The following SEMA6D variants were observed in gnomAD, a reference collection of about 807,000 sequenced individuals.
The protein encoded by SEMA6D is semaphorin-6D.
In SEMA6D, 35 loss-of-function variants were observed where a neutral mutation model predicts 106.6. That is an observed-to-expected ratio of 0.33 (90% confidence interval 0.25 to 0.44). The LOEUF is 0.44. SEMA6D is among the 20% of genes least tolerant of loss of function. The pLI, the probability that SEMA6D is intolerant of heterozygous loss-of-function variation, is 1.00. For synonymous variants in SEMA6D, 499 were observed against 487.7 expected, an observed-to-expected ratio of 1.02 and a Z score of -0.31; for missense variants, 1,185 against 1,345.9, an observed-to-expected ratio of 0.88 and a Z score of 1.87.
chr15:47,671,500 T>C (rs997366475), intron 4 of SEMA6D, among the ~76,000 whole-genome samples: 2 of 152,112 alleles, frequency 1.3e-5, no homozygotes, highest in Admixed American at 6.6e-5. Context: ...GGAAAAGTGA[T>C]GATGACCACT....
intron 1 of SEMA6D, among the ~76,000 whole-genome samples, chr15:47,299,354 A>G (rs867735253): frequency 2.6e-5 from 4 of 152,188 alleles, no homozygotes; most frequent in African/African-American, 4.8e-5. Flanking sequence ...TTATAAGCCA[A>G]ATTTGCCTCA....
At chr15:47,382,788 G>A (rs951017870) in intron 1 of SEMA6D, among the ~76,000 whole-genome samples, 21 of 152,180 alleles carry the variant, frequency 1.4e-4, no homozygotes, top group African/African-American at 5.1e-4. Context: ...GAAGACAAGT[G>A]ACGGAGTCTT....
chr15:47,484,396 T>C (rs2043235581), intron 3 of SEMA6D, among the ~76,000 whole-genome samples: 1 of 152,094 alleles, frequency 6.6e-6, no homozygotes, highest in Admixed American at 6.6e-5. Context: ...TTATTAAAAT[T>C]CCTGTGCCAG....
intron 3 of SEMA6D, among the ~76,000 whole-genome samples, chr15:47,596,613 C>A (rs57832636): frequency 1.3e-5 from 2 of 151,708 alleles, no homozygotes; most frequent in South Asian, 2.1e-4. Flanking sequence ...AATTGGGAAC[C>A]CAGAAATGAA....
chr15:47,282,234 A>C (rs574792497), intron 1 of SEMA6D, among the ~76,000 whole-genome samples: 25 of 152,222 alleles, frequency 1.6e-4, no homozygotes, highest in Non-Finnish European at 3.2e-4. Flanking sequence ...CCCTATCCCC[A>C]CCAACAATAA....
Position 47,264,687 on chromosome 15 carries a change from T to C in SEMA6D, c.-239+80269T>C, listed in dbSNP as rs542575062. 2.6e-5 allele frequency among the ~76,000 whole-genome samples: 4 copies of C among 152,202 alleles called. No homozygotes were observed. In the East Asian group the frequency reaches 7.7e-4, roughly 29 times the overall value. On this transcript the variant is annotated intron_variant, in intron 1 of 19. Transcript: ENST00000558014. ...GATACCTTTGGTTTCTTTCTTTTTTTAGAGTGAAAGCATCTAGTCTTTCAC... is the reference window on the plus strand; with the variant it reads ...GATACCTTTGGTTTCTTTCTTTTTTCAGAGTGAAAGCATCTAGTCTTTCAC...
intron 1 of SEMA6D, among the ~76,000 whole-genome samples, chr15:47,208,419 A>G (rs16959051): frequency 7.3e-4 from 111 of 152,292 alleles, no homozygotes; most frequent in African/African-American, 2.6e-3. Flanking sequence ...ACCTGCTGAT[A>G]CAAGAGACCT....
intron 3 of SEMA6D, 89 bp downstream of exon 3, chr15:47,760,504 T>C (rs764854090): frequency 2.0e-5 from 19 of 971,362 alleles, no homozygotes; most frequent in East Asian, 5.1e-5. Flanking sequence ...AAAACTAATA[T>C]GTGATTGTGA....
At chr15:47,345,684 A>G (rs1465945008) in intron 1 of SEMA6D, among the ~76,000 whole-genome samples, 1 of 152,186 alleles carries the variant, frequency 6.6e-6, no homozygotes. Context: ...AGCATGACCC[A>G]TAAAGGAACT....
At chr15:47,662,841 T>C (rs756177632) in intron 4 of SEMA6D, among the ~76,000 whole-genome samples, 1 of 139,954 alleles carries the variant, frequency 7.1e-6, no homozygotes, top group Non-Finnish European at 1.5e-5. Context: ...CAGTCATTAT[T>C]CATGCGTGTA....
chr15:47,564,169 A>G (rs770168445), intron 3 of SEMA6D, among the ~76,000 whole-genome samples: 1 of 152,240 alleles, frequency 6.6e-6, no homozygotes, highest in South Asian at 2.1e-4. Context: ...TGCCCATGCA[A>G]GCTCCTCTGA....
chr15:47,648,082 A>G (rs1566958804), intron 4 of SEMA6D, among the ~76,000 whole-genome samples: 1 of 152,210 alleles, frequency 6.6e-6, no homozygotes, highest in African/African-American at 2.4e-5. Flanking sequence ...GTGTAAGTAG[A>G]TACTGTATGT....
intron 1 of SEMA6D, among the ~76,000 whole-genome samples, chr15:47,736,601 G>A (rs1386087501): frequency 6.6e-6 from 1 of 152,144 alleles, no homozygotes; most frequent in East Asian, 1.9e-4. Flanking sequence ...CTAGCAAAAA[G>A]CAAGAAGGCT....
intron 1 of SEMA6D, among the ~76,000 whole-genome samples, chr15:47,360,818 G>A (rs578197775): frequency 1.3e-5 from 2 of 152,370 alleles, no homozygotes; most frequent in African/African-American, 4.8e-5. Context: ...AAACTAAAAT[G>A]TAAGGCTATT....
intron 4 of SEMA6D, among the ~76,000 whole-genome samples, chr15:47,659,340 A>G (rs2077870105): frequency 6.6e-6 from 1 of 151,918 alleles, no homozygotes; most frequent in East Asian, 1.9e-4. Flanking sequence ...TATTAAAATC[A>G]ATGAAGATAC....
At chr15:47,217,615 G>A (rs1023153846) in intron 1 of SEMA6D, among the ~76,000 whole-genome samples, 5 of 150,444 alleles carry the variant, frequency 3.3e-5, no homozygotes, top group African/African-American at 9.8e-5. Flanking sequence ...GGGAGTATAT[G>A]TAATAGTCAT....
intron 4 of SEMA6D, among the ~76,000 whole-genome samples, chr15:47,612,668 C>T (rs1033787966): frequency 6.6e-6 from 1 of 152,164 alleles, no homozygotes; most frequent in African/African-American, 2.4e-5. Context: ...AGAGAAAGGG[C>T]TCAATGAACT....
chr15:47,317,999 C>T (rs2036749640), intron 1 of SEMA6D, among the ~76,000 whole-genome samples: 1 of 131,516 alleles, frequency 7.6e-6, no homozygotes, highest in African/African-American at 2.6e-5. Context: ...GCTTATGTTA[C>T]TCTTATTACA....
intron 1 of SEMA6D, among the ~76,000 whole-genome samples, chr15:47,733,470 T>C (rs2080259685): frequency 6.6e-6 from 1 of 152,234 alleles, no homozygotes. Flanking sequence ...GTTGCATTTT[T>C]GTTCACCAAG....
Sources: gnomAD v4.1 joint callset for allele counts (sites outside exome capture counted in the v4.1 genomes callset) on GRCh38, gnomAD v4.1.1 for gene constraint, MANE v1.5 for transcripts, NCBI Gene and HGNC (gene_info 2026-07-23, HGNC 2026-07-21) for gene names.